Variants in RPN1 observed in about 807,000 individuals in gnomAD.
RPN1 encodes ribophorin I.
Under a neutral mutation model 55.5 loss-of-function variants are expected in RPN1, and 12 were observed. The observed-to-expected ratio is 0.22, with a 90% confidence interval of 0.14 to 0.35. The LOEUF is 0.35. Among genes scored for constraint, RPN1 ranks in the 10% least tolerant of loss-of-function variants. RPN1 has a pLI of 1.00. For missense variants in RPN1, 679 were observed against 761.3 expected (o/e 0.89, Z 1.27); for synonymous variants, 317 against 305.9 (o/e 1.04, Z -0.38).
At chr3:128,635,969 T>C (rs2069679179) in intron 3 of RPN1, among the ~76,000 whole-genome samples, 1 of 152,040 alleles carries the variant, frequency 6.6e-6, no homozygotes, top group African/African-American at 2.4e-5. Flanking sequence ...ATGATTTTGT[T>C]ACACATAACT....
intron 3 of RPN1, among the ~76,000 whole-genome samples, chr3:128,636,725 T>G (rs1022370995): frequency 2.0e-5 from 3 of 152,140 alleles, no homozygotes; most frequent in Admixed American, 6.6e-5. Flanking sequence ...AGCTTATTAT[T>G]TTTTGTAAAA....
In RPN1 at chr3:128,639,362, G is replaced by A. The variant is rs144422544; in HGVS notation, c.327-1257C>T. ...CCAGCTACTCAGGAGGCTGGGGCAG[G>A]AGAATGATGTGAACCCGGAAGGCGG... On this transcript the variant is annotated intron_variant, in intron 2 of 9. Transcript: ENST00000296255. 3.3e-5 allele frequency among the ~76,000 whole-genome samples: 5 copies of A among 151,300 alleles called. No individual in the cohort carries two copies. The East Asian group carries it at 1.0e-3, about 30-fold the overall frequency.
Position 128,650,559 on chromosome 3 carries a change from A to G in RPN1, c.242T>C (p.Leu81Pro). 6.5e-7 allele frequency: 1 copy of G among 1,543,606 alleles called. No homozygotes were observed. The highest frequency in any genetic ancestry group is 8.7e-7 in the Non-Finnish European group (1 of 1,145,134). Residue 81 changes from leucine to proline, a missense_variant, in exon 1 of 10, where the codon CTG (leucine) becomes CCG (proline). By Grantham distance (98) the Leu-to-Pro change is moderately conservative. Transcript: ENST00000296255. ...LALEPELEAR[L>P]AHLGVQVKGE... ...ACTCACCTGCACGCCCAGGTGCGCC[A>G]GCCGGGCCTCGAGCTCAGGCTCCAA... is the stretch of plus-strand genomic sequence containing the variant.
chr3:128,650,184 A>C (rs2069805472), intron 1 of RPN1, among the ~76,000 whole-genome samples: 1 of 152,208 alleles, frequency 6.6e-6, no homozygotes, highest in South Asian at 2.1e-4. Context: ...TACCGGCCCG[A>C]GGTCTCCCGA....
intron 4 of RPN1, among the ~76,000 whole-genome samples, 173 bp from the exon 5 acceptor site, chr3:128,630,316 C>G (rs1288096602): frequency 6.6e-6 from 1 of 152,174 alleles, no homozygotes; most frequent in African/African-American, 2.4e-5. Context: ...AGGTTTGCGT[C>G]GACTTCTCAA....
At chr3:128,631,530 C>A (rs531078452) in intron 4 of RPN1, among the ~76,000 whole-genome samples, 1 of 150,938 alleles carries the variant, frequency 6.6e-6, no homozygotes, top group Non-Finnish European at 1.5e-5. Context: ...TCACTTGAGG[C>A]CAGGAGTTCA....
At chr3:128,637,705 C>G in intron 3 of RPN1, 94 bp downstream of exon 3, 1 of 1,297,710 alleles carries the variant, frequency 7.7e-7, no homozygotes, top group Non-Finnish European at 1.1e-6. Flanking sequence ...CAGATTTCAT[C>G]CACCCCACAC....
chr3:128,630,254 TAA>T lies in RPN1; in HGVS notation c.844-113_844-112del, dbSNP rs755549854. On this transcript the variant is annotated intron_variant, in intron 4 of 9. Transcript: ENST00000296255. ...AGATCCTCACATGGTACTACTTAATTAAAATAGTCCCCAAACATAAACAACCT... is the reference window on the plus strand; with the variant it reads ...AGATCCTCACATGGTACTACTTAATTAATAGTCCCCAAACATAAACAACCT... 107 of 611,342 alleles carry T rather than the reference TAA, an allele frequency of 1.8e-4. 1 individual carries two copies. The highest frequency in any genetic ancestry group is 2.7e-4 in the Non-Finnish European group (98 of 368,962). 37.9% of individuals were successfully genotyped at this position (611,342 alleles called of 1,614,324 possible).
chr3:128,642,059 T>C (rs2069729488), intron 2 of RPN1, among the ~76,000 whole-genome samples: 1 of 152,082 alleles, frequency 6.6e-6, no homozygotes, highest in Admixed American at 6.6e-5. Context: ...ATAACTAAGT[T>C]ACCTTGCCTA....
intron 2 of RPN1, among the ~76,000 whole-genome samples, chr3:128,640,450 A>C (rs1323449416): frequency 6.6e-6 from 1 of 152,188 alleles, no homozygotes; most frequent in Non-Finnish European, 1.5e-5. Flanking sequence ...ACTACTCAAA[A>C]TATAAGTAGC....
intron 3 of RPN1, among the ~76,000 whole-genome samples, chr3:128,632,406 T>C (rs2069648655): frequency 6.6e-6 from 1 of 152,218 alleles, no homozygotes; most frequent in Non-Finnish European, 1.5e-5. Flanking sequence ...GAGCTGATTG[T>C]ATTAGGCAGT....
intron 1 of RPN1, among the ~76,000 whole-genome samples, chr3:128,648,238 TACA>T (rs1340433247): frequency 4.6e-5 from 7 of 151,854 alleles, no homozygotes; most frequent in South Asian, 2.1e-4. Context: ...ACAAAAAAAA[TACA>T]ACAATTAGCT....
Position 128,629,807 on chromosome 3 carries a change from C to G in RPN1, c.1036+144G>C, listed in dbSNP as rs542309749. On this transcript the variant is annotated intron_variant, in intron 5 of 9. Coordinates refer to ENST00000296255, the MANE Select transcript of RPN1 (RefSeq NM_002950.4). ...CTTTTACAATACTAACTCGTACCCA[C>G]TTATAAAAAGTTGTTCCTGATAAAA... is the stretch of plus-strand genomic sequence containing the variant. The G allele has an allele frequency of 3.3e-4, 185 of 567,400 alleles. 2 individuals are homozygous for G. In the East Asian group the frequency reaches 5.1e-3, roughly 16 times the overall value. The allele number at this position is 567,400 out of a possible 1,614,324, so 35.1% of individuals were successfully genotyped here.
At chr3:128,648,357 C>T (rs1490997997) in intron 1 of RPN1, among the ~76,000 whole-genome samples, 3 of 151,402 alleles carry the variant, frequency 2.0e-5, no homozygotes, top group African/African-American at 7.3e-5. Flanking sequence ...ATTGCACCAC[C>T]GCACTCCAGC....
chr3:128,632,210 T>A, intron 3 of RPN1, 53 bp from the exon 4 acceptor site: 5 of 1,542,640 alleles, frequency 3.2e-6, no homozygotes, highest in Admixed American at 1.7e-5. Context: ...GAATGCACCA[T>A]TAGTTTAAAT....
intron 2 of RPN1, among the ~76,000 whole-genome samples, chr3:128,641,725 C>G (rs1027346395): frequency 2.6e-5 from 4 of 151,268 alleles, no homozygotes; most frequent in Non-Finnish European, 5.9e-5. Context: ...TCTCCTGCCT[C>G]AGCCTCCCGA....
intron 1 of RPN1, among the ~76,000 whole-genome samples, chr3:128,649,837 T>A (rs142071324): frequency 6.6e-6 from 1 of 152,286 alleles, no homozygotes; most frequent in African/African-American, 2.4e-5. Context: ...TAAGAGAACT[T>A]ATATTACGTG....
In RPN1 at chr3:128,620,379, A is replaced by C. The variant is rs776512312; in HGVS notation, c.*32T>G. On this transcript the variant is annotated 3_prime_UTR_variant, in exon 10 of 10. Coordinates refer to ENST00000296255, the MANE Select transcript of RPN1 (RefSeq NM_002950.4). The stretch of plus-strand genomic sequence containing the variant: ...CTGCCTGCCACAGCAAAGTGCAGGC[A>C]CCCTGGGCCCCCTGGAGGATGCGGG... 4.4e-6 allele frequency: 7 copies of C among 1,588,836 alleles called. No homozygotes were observed. Among genetic ancestry groups the C allele is most frequent in the African/African-American group, 2.7e-5 (2 of 74,410 alleles).
chr3:128,644,614 G>A lies in RPN1; in HGVS notation c.326+305C>T, dbSNP rs536442446. 7.3e-4 allele frequency: 388 copies of A among 533,966 alleles called. 2 individuals are homozygous for A. Among genetic ancestry groups the A allele is most frequent in the Non-Finnish European group, 1.2e-3 (324 of 280,168 alleles). The allele number at this position is 533,966 out of a possible 1,614,324, so 33.1% of individuals were successfully genotyped here. On this transcript the variant is annotated intron_variant, in intron 2 of 9. Coordinates refer to ENST00000296255, the MANE Select transcript of RPN1 (RefSeq NM_002950.4). ...GGTGGAGGTTGCAGTGAGTCAACATGGCACCACAGTAATGGAGCCTGGGCA... is the reference window on the plus strand; with the variant it reads ...GGTGGAGGTTGCAGTGAGTCAACATAGCACCACAGTAATGGAGCCTGGGCA...
Sources: allele counts gnomAD v4.1 joint callset (sites outside exome capture counted in the v4.1 genomes callset), GRCh38; gene constraint gnomAD v4.1.1; transcripts MANE v1.5; gene names NCBI Gene and HGNC (gene_info 2026-07-23, HGNC 2026-07-21).